The following RBFOX2 variants were observed in gnomAD, a reference collection of about 807,000 sequenced individuals.
RBFOX2 encodes the protein RNA binding protein fox-1 homolog 2.
A neutral mutation model predicts 49.1 loss-of-function variants in RBFOX2; 10 were observed. That is an observed-to-expected ratio of 0.20 (90% CI 0.13 to 0.35). The LOEUF is 0.35. RBFOX2 is among the 10% of genes least tolerant of loss of function. RBFOX2 has a pLI of 1.00. For missense variants in RBFOX2, 323 were observed against 486.9 expected, an observed-to-expected ratio of 0.66 and a Z score of 3.17; for synonymous variants, 183 against 187.4, an observed-to-expected ratio of 0.98 and a Z score of 0.19.
intron 1 of RBFOX2, among the ~76,000 whole-genome samples, chr22:35,871,029 G>T (rs2044294672): frequency 1.3e-5 from 2 of 152,060 alleles, no homozygotes; most frequent in African/African-American, 4.8e-5. Flanking sequence ...CACTTAAAAG[G>T]TTTACTCTTG....
At chr22:35,807,056 G>A (rs767652955) in intron 2 of RBFOX2, among the ~76,000 whole-genome samples, 10 of 152,206 alleles carry the variant, frequency 6.6e-5, no homozygotes, top group Non-Finnish European at 1.0e-4. Context: ...CAGCTGCCTC[G>A]GCCTCCCAAA....
At chr22:35,881,181 G>A (rs527486641) in intron 1 of RBFOX2, among the ~76,000 whole-genome samples, 9 of 152,194 alleles carry the variant, frequency 5.9e-5, no homozygotes, top group East Asian at 3.9e-4. Flanking sequence ...GGAGAATGGC[G>A]TGAACCTGGG....
rs183854783 is a variant in RBFOX2, at chr22:35,782,460, G to T, written c.253-714C>A. 4.9e-3 allele frequency among the ~76,000 whole-genome samples: 749 copies of T among 152,130 alleles called. 6 individuals are homozygous for T. Among genetic ancestry groups the T allele is most frequent in the African/African-American group, 0.017 (705 of 41,502 alleles). On this transcript the variant is annotated intron_variant, in intron 2 of 11. Coordinates refer to ENST00000405409, the Ensembl canonical transcript of RBFOX2. ...CCTCAGCCTCCCGAGTAGCTGGGAC[G>T]ATAGGTGCCTGCCACCACGCCCGTC... is the stretch of plus-strand genomic sequence containing the variant.
exon 12 of RBFOX2, chr22:35,743,655 T>A (rs566728897): frequency 6.6e-6 from 1 of 152,660 alleles, no homozygotes; most frequent in Admixed American, 6.5e-5. Context: ...CAAATTCCTA[T>A]CTATCAGCAT....
chr22:35,825,565 G>C (rs1955485979), intron 1 of RBFOX2, among the ~76,000 whole-genome samples: 1 of 152,146 alleles, frequency 6.6e-6, no homozygotes, highest in African/African-American at 2.4e-5. Flanking sequence ...TTAAAATTTA[G>C]GCTCTGCAAT....
At chr22:35,970,357 G>GA (rs1188560747) in intron 1 of RBFOX2, among the ~76,000 whole-genome samples, 3 of 152,016 alleles carry the variant, frequency 2.0e-5, no homozygotes, top group East Asian at 1.9e-4. Context: ...TTTAGCTCAA[G>GA]AAAAAATGTG....
At chr22:35,862,930 G>A (rs1187524383) in intron 1 of RBFOX2, among the ~76,000 whole-genome samples, 1 of 152,078 alleles carries the variant, frequency 6.6e-6, no homozygotes, top group South Asian at 2.1e-4. Context: ...TGCTGTCGTC[G>A]TCATCATCAT....
At chr22:35,938,753 A>T in intron 1 of RBFOX2, 94 bp downstream of exon 2, 1 of 1,195,958 alleles carries the variant, frequency 8.4e-7, no homozygotes, top group Non-Finnish European at 1.2e-6. Flanking sequence ...CTTTCAAAGT[A>T]AGTAATTTCA....
chr22:35,754,451 A>G (rs1936247515), intron 9 of RBFOX2, among the ~76,000 whole-genome samples: 2 of 152,212 alleles, frequency 1.3e-5, no homozygotes, highest in African/African-American at 4.8e-5. Context: ...TAAATCCTCA[A>G]ATAAGAAACA....
chr22:35,891,796 G>T (rs2047272281), intron 1 of RBFOX2, among the ~76,000 whole-genome samples: 1 of 151,710 alleles, frequency 6.6e-6, no homozygotes, highest in Non-Finnish European at 1.5e-5. Context: ...TTTGATGATG[G>T]CGAGAGAGGG....
chr22:35,739,924 C>T (rs1183788959), exon 12 of RBFOX2: 4 of 152,768 alleles, frequency 2.6e-5, no homozygotes, highest in Middle Eastern at 6.8e-3. Flanking sequence ...CCAACCAGCA[C>T]TACCATGGCT....
intron 1 of RBFOX2, among the ~76,000 whole-genome samples, chr22:35,976,585 G>C (rs945277991): frequency 2.0e-5 from 3 of 152,106 alleles, no homozygotes; most frequent in African/African-American, 4.8e-5. Flanking sequence ...AGTAATAACA[G>C]AATGAATGAA....
chr22:36,008,130 C>T (rs1423239410), intron 1 of RBFOX2, among the ~76,000 whole-genome samples: 2 of 152,084 alleles, frequency 1.3e-5, no homozygotes, highest in Admixed American at 6.5e-5. Context: ...GACTTTTCAC[C>T]ACCACAGCAA....
intron 1 of RBFOX2, among the ~76,000 whole-genome samples, chr22:35,855,650 C>A (rs2042425378): frequency 6.6e-6 from 1 of 150,440 alleles, no homozygotes; most frequent in Admixed American, 6.7e-5. Flanking sequence ...TTCAGGCGAT[C>A]CACCTGCCTC....
intron 1 of RBFOX2, among the ~76,000 whole-genome samples, chr22:35,828,619 T>A (rs1956221951): frequency 6.6e-6 from 1 of 152,232 alleles, no homozygotes; most frequent in Non-Finnish European, 1.5e-5. Flanking sequence ...AGAATAATCC[T>A]GTTCTTAACA....
rs1287442011 is a variant in RBFOX2, at chr22:35,986,612, C to T, written c.186+41628G>A. Reference sequence around the variant, plus strand: ...AAAGAACATGCATATTTTATTTATGCCCACCCCCTTTAAGAAGGCCTCCAC... The same window carrying T: ...AAAGAACATGCATATTTTATTTATGTCCACCCCCTTTAAGAAGGCCTCCAC... On this transcript the variant is annotated intron_variant, in intron 1 of 13. Transcript: ENST00000438146. Among the ~76,000 whole-genome samples, 3 of 152,138 alleles carry T rather than the reference C, an allele frequency of 2.0e-5. No individual in the cohort carries two copies. The East Asian group carries it at 5.8e-4, about 29-fold the overall frequency.
At chr22:35,991,700 T>C (rs1449636834) in intron 1 of RBFOX2, among the ~76,000 whole-genome samples, 2 of 152,128 alleles carry the variant, frequency 1.3e-5, no homozygotes, top group African/African-American at 2.4e-5. Flanking sequence ...GCCTAAAATA[T>C]CTATTTTGCC....
At chr22:35,869,691 A>G (rs1259932771) in intron 1 of RBFOX2, among the ~76,000 whole-genome samples, 2 of 152,142 alleles carry the variant, frequency 1.3e-5, no homozygotes, top group African/African-American at 4.8e-5. Context: ...GGTCAAGAAT[A>G]TATTGCCCCT....
intron 1 of RBFOX2, among the ~76,000 whole-genome samples, chr22:35,875,256 A>T (rs543252539): frequency 1.3e-5 from 2 of 152,298 alleles, no homozygotes; most frequent in East Asian, 3.9e-4. Context: ...GAAACAGAAA[A>T]GTAAAGGAAA....
Sources: allele counts gnomAD v4.1 joint callset (sites outside exome capture counted in the v4.1 genomes callset), GRCh38; gene constraint gnomAD v4.1.1; transcripts MANE v1.5; gene names NCBI Gene and HGNC (gene_info 2026-07-23, HGNC 2026-07-21).